Variants in APBA2 observed in about 807,000 individuals in gnomAD.
APBA2 encodes amyloid beta precursor protein binding family A member 2.
In APBA2, 30 loss-of-function variants were observed where a neutral mutation model predicts 75.0. That is an observed-to-expected ratio of 0.40 (90% CI 0.30 to 0.54). The LOEUF is 0.54. Ranked by LOEUF, APBA2 falls within the 20% of genes least tolerant of loss-of-function variation. APBA2 has a pLI of 0.49. For missense variants in APBA2, 801 were observed against 1,016.1 expected (o/e 0.79, Z 2.88); for synonymous variants, 444 against 409.6 (o/e 1.08, Z -1.01).
intron 2 of APBA2, among the ~76,000 whole-genome samples, chr15:28,949,324 G>T (rs1421803900): frequency 1.3e-5 from 2 of 152,202 alleles, no homozygotes; most frequent in African/African-American, 4.8e-5. Context: ...TTCAGTGGAG[G>T]CAGCAAGTCA....
chr15:28,914,278 C>T (rs915177902), intron 1 of APBA2, among the ~76,000 whole-genome samples: 2 of 151,896 alleles, frequency 1.3e-5, no homozygotes, highest in African/African-American at 4.8e-5. Context: ...AGCAGCTCAC[C>T]TCCGAGCCTG....
intron 2 of APBA2, among the ~76,000 whole-genome samples, chr15:28,951,384 T>A (rs1187114307): frequency 6.6e-6 from 1 of 152,144 alleles, no homozygotes; most frequent in East Asian, 1.9e-4. Flanking sequence ...CTTGAATTTT[T>A]CCTACCCAGT....
chr15:28,968,403 G>C (rs1259532677), intron 2 of APBA2, among the ~76,000 whole-genome samples: 1 of 152,162 alleles, frequency 6.6e-6, no homozygotes, highest in Non-Finnish European at 1.5e-5. Context: ...AAACACGTGT[G>C]GAAGACTTTG....
At chr15:28,923,572 G>A (rs1219856107) in intron 2 of APBA2, among the ~76,000 whole-genome samples, 4 of 141,734 alleles carry the variant, frequency 2.8e-5, no homozygotes, top group Non-Finnish European at 6.2e-5. Context: ...GTCTGGGGGA[G>A]GTGTGGGGTG....
intron 2 of APBA2, among the ~76,000 whole-genome samples, chr15:28,932,385 A>T (rs1239950883): frequency 3.9e-5 from 6 of 152,150 alleles, no homozygotes; most frequent in Admixed American, 3.9e-4. Context: ...CCCTCCCTGG[A>T]GCACAGCCCC....
At chr15:28,894,246 T>A (rs551367401) in intron 1 of APBA2, among the ~76,000 whole-genome samples, 32 of 152,298 alleles carry the variant, frequency 2.1e-4, no homozygotes, top group Middle Eastern at 3.4e-3. Context: ...TGCCTGGAGC[T>A]CTGTCCATCC....
intron 12 of APBA2, 49 bp from the exon 13 acceptor site, chr15:29,108,221 G>C (rs1282454668): frequency 5.0e-6 from 8 of 1,611,900 alleles, no homozygotes; most frequent in Non-Finnish European, 5.9e-6. Context: ...CCTGGGTCAG[G>C]CTTGATGTCT....
intron 3 of APBA2, among the ~76,000 whole-genome samples, chr15:29,030,451 G>A (rs2040433106): frequency 6.6e-6 from 1 of 151,892 alleles, no homozygotes; most frequent in Admixed American, 6.6e-5. Flanking sequence ...CACAGAGCCA[G>A]ACTCCGTCTC....
At chr15:29,058,861 T>G (rs1296144590) in intron 4 of APBA2, among the ~76,000 whole-genome samples, 1 of 149,176 alleles carries the variant, frequency 6.7e-6, no homozygotes, top group East Asian at 1.9e-4. Flanking sequence ...CATGTGGCAT[T>G]GTAGAATTCC....
chr15:28,963,178 C>T (rs1021543566), intron 2 of APBA2, among the ~76,000 whole-genome samples: 4 of 152,136 alleles, frequency 2.6e-5, no homozygotes, highest in African/African-American at 7.2e-5. Flanking sequence ...TTTCTAATTA[C>T]GTTTGTTTGT....
At chr15:28,994,134 A>G (rs943116603) in intron 2 of APBA2, among the ~76,000 whole-genome samples, 1 of 152,192 alleles carries the variant, frequency 6.6e-6, no homozygotes, top group Admixed American at 6.5e-5. Flanking sequence ...GAAGAAGGGA[A>G]TACTATTTGA....
rs533099786 is a variant in APBA2, at chr15:29,055,332, G to C, written c.951+497G>C. ...ACAATGGACGGGTCTCTGAAAGCCC[G>C]GGGGCCTTGGCCTGATGGGCAATCA... is the stretch of plus-strand genomic sequence containing the variant. On this transcript the variant is annotated intron_variant, in intron 4 of 14. Coordinates refer to ENST00000683413, the MANE Select transcript of APBA2 (RefSeq NM_001353788.2). 2.7e-4 allele frequency among the ~76,000 whole-genome samples: 41 copies of C among 152,320 alleles called. No homozygotes were observed. In the South Asian group the frequency reaches 7.9e-3, roughly 29 times the overall value.
chr15:29,019,699 C>T (rs2039854095), intron 3 of APBA2, among the ~76,000 whole-genome samples: 1 of 152,212 alleles, frequency 6.6e-6, no homozygotes, highest in Admixed American at 6.5e-5. Context: ...TTAACTGCTG[C>T]AGAGGCTTCC....
At chr15:29,103,900 A>G (rs1419344052) in intron 10 of APBA2, among the ~76,000 whole-genome samples, 1 of 152,064 alleles carries the variant, frequency 6.6e-6, no homozygotes, top group African/African-American at 2.4e-5. Flanking sequence ...CAGCTCGCCA[A>G]CTCCGCAGGC....
chr15:28,935,096 C>A (rs2034782624), intron 2 of APBA2, among the ~76,000 whole-genome samples: 2 of 152,202 alleles, frequency 1.3e-5, no homozygotes. Flanking sequence ...TCCACTTCCC[C>A]ACAGAGTGAA....
At chr15:28,996,990 A>G (rs2038561818) in intron 3 of APBA2, among the ~76,000 whole-genome samples, 1 of 152,324 alleles carries the variant, frequency 6.6e-6, no homozygotes, top group Admixed American at 6.5e-5. Flanking sequence ...AGGGCAGCAC[A>G]AGGCCACAAG....
At chr15:28,905,630 A>G (rs902546726) in intron 1 of APBA2, among the ~76,000 whole-genome samples, 1 of 152,138 alleles carries the variant, frequency 6.6e-6, no homozygotes. Flanking sequence ...GGCTCAGGCA[A>G]TCCTCCCGCC....
At chr15:28,987,682 A>G (rs750113921) in intron 2 of APBA2, among the ~76,000 whole-genome samples, 33 of 147,884 alleles carry the variant, frequency 2.2e-4, no homozygotes, top group South Asian at 2.2e-4. Flanking sequence ...AGAGAAAGGA[A>G]TTAGGTTCCA....
Position 29,108,390 on chromosome 15 carries a change from G to C in APBA2, c.2037+1G>C. 6.2e-7 allele frequency: 1 copy of C among 1,614,038 alleles called. No homozygotes were observed. Among genetic ancestry groups the C allele is most frequent in the Non-Finnish European group, 8.5e-7 (1 of 1,180,024 alleles). On this transcript the variant is annotated splice_donor_variant, in intron 13 of 14. Transcript: ENST00000683413. LOFTEE classifies it high-confidence loss of function. ...GGGCTTCAGCGTGCAGAATGGAATT[G>C]TGAGTTCCCCCTCCTGCTCTGGGCC...
Sources: allele counts gnomAD v4.1 joint callset (sites outside exome capture counted in the v4.1 genomes callset), GRCh38; gene constraint gnomAD v4.1.1; transcripts MANE v1.5; gene names NCBI Gene and HGNC (gene_info 2026-07-23, HGNC 2026-07-21).